MYMX: variants seen among roughly 807,000 people sequenced by gnomAD.
The protein encoded by MYMX is myomixer, myoblast fusion factor, also known as protein myomixer.
At chr6:44,203,160 C>T in the MYMX span, among the ~76,000 whole-genome samples, 2 of 152,168 alleles carry the variant, frequency 1.3e-5, no homozygotes, top group African/African-American at 4.8e-5. Flanking sequence ...CCGTTCCTCC[C>T]CTCGAGACTC....
At chr6:44,198,126 A>G in the MYMX span, among the ~76,000 whole-genome samples, 1 of 150,598 alleles carries the variant, frequency 6.6e-6, no homozygotes, top group Non-Finnish European at 1.5e-5. Flanking sequence ...TCTATACAAC[A>G]CATAATTCTC....
At chr6:44,203,857 T>C in the MYMX span, among the ~76,000 whole-genome samples, 2 of 152,162 alleles carry the variant, frequency 1.3e-5, no homozygotes, top group African/African-American at 4.8e-5. Context: ...TATTTATTTA[T>C]TTATTTTTGA....
the MYMX span, among the ~76,000 whole-genome samples, chr6:44,194,600 G>A: frequency 9.2e-5 from 14 of 152,310 alleles, no homozygotes; most frequent in South Asian, 2.5e-3. Context: ...CTGCCTACGG[G>A]GGCTGGAGAG....
chr6:44,202,163 C>T, the MYMX span, among the ~76,000 whole-genome samples: 2 of 152,178 alleles, frequency 1.3e-5, no homozygotes, highest in Admixed American at 1.3e-4. Flanking sequence ...CCTGCTTTCC[C>T]CATCTGCTGT....
the MYMX span, among the ~76,000 whole-genome samples, chr6:44,209,253 C>T: frequency 2.0e-5 from 3 of 151,940 alleles, no homozygotes; most frequent in South Asian, 2.1e-4. Context: ...TGTGAGCCAC[C>T]GTACCTGGCT....
At chr6:44,213,386 G>T (rs1263752879), upstream of MYMX, among the ~76,000 whole-genome samples, 3 of 142,804 alleles carry the variant, frequency 2.1e-5, no homozygotes, top group Non-Finnish European at 4.4e-5. Context: ...GAAAAGAAAA[G>T]AATAAAATAA....
the MYMX span, among the ~76,000 whole-genome samples, chr6:44,196,752 A>C: frequency 6.6e-6 from 1 of 152,190 alleles, no homozygotes; most frequent in Admixed American, 6.5e-5. Flanking sequence ...TGAGGTCAGG[A>C]GTTCAAGACC....
chr6:44,203,009 G>A, the MYMX span, among the ~76,000 whole-genome samples: 85 of 152,356 alleles, frequency 5.6e-4, no homozygotes, highest in Middle Eastern at 3.4e-3. Flanking sequence ...CACAGCTATG[G>A]AAACTGAGGC....
chr6:44,200,489 A>G, the MYMX span, among the ~76,000 whole-genome samples: 2 of 151,842 alleles, frequency 1.3e-5, no homozygotes, highest in African/African-American at 4.8e-5. Flanking sequence ...TAATTTTTGC[A>G]TTTTTAGTAG....
chr6:44,216,994 G>A (rs1205521002), intron 1 of MYMX, 26 bp downstream of exon 1: 1 of 154,228 alleles, frequency 6.5e-6, no homozygotes, highest in Non-Finnish European at 1.4e-5. Flanking sequence ...GATTGGTGGG[G>A]GTAGGGGACT....
intron 1 of MYMX, 57 bp downstream of exon 1, chr6:44,217,025 G>A (rs1363456635): frequency 1.3e-5 from 2 of 155,074 alleles, no homozygotes; most frequent in Admixed American, 6.6e-5. Flanking sequence ...GGAGTGTCAG[G>A]TCAGGGTGGA....
At chr6:44,193,420 A>T in the MYMX span, among the ~76,000 whole-genome samples, 1 of 152,092 alleles carries the variant, frequency 6.6e-6, no homozygotes, top group Non-Finnish European at 1.5e-5. Flanking sequence ...TATGCCCTTA[A>T]TCCTAACAAA....
chr6:44,209,712 G>A, the MYMX span: 3 of 151,886 alleles, frequency 2.0e-5, no homozygotes, highest in Non-Finnish European at 4.4e-5. Context: ...AAGAAATTGA[G>A]ACCATCCTGG....
chr6:44,207,315 A>C, the MYMX span, among the ~76,000 whole-genome samples: 1 of 151,050 alleles, frequency 6.6e-6, no homozygotes, highest in South Asian at 2.1e-4. Context: ...ATTTTTTTGT[A>C]TTTTTAGTAG....
the MYMX span, among the ~76,000 whole-genome samples, chr6:44,207,383 C>A: frequency 6.6e-6 from 1 of 152,170 alleles, no homozygotes; most frequent in Admixed American, 6.5e-5. Flanking sequence ...TCGTGATCCA[C>A]CCGCCTTGGC....
At chr6:44,197,579 A>T in the MYMX span, among the ~76,000 whole-genome samples, 1 of 152,174 alleles carries the variant, frequency 6.6e-6, no homozygotes, top group Non-Finnish European at 1.5e-5. Flanking sequence ...CCAGTACCCT[A>T]TGACTTGCCA....
chr6:44,196,394 T>C, the MYMX span, among the ~76,000 whole-genome samples: 1 of 152,202 alleles, frequency 6.6e-6, no homozygotes, highest in Admixed American at 6.5e-5. Flanking sequence ...AACTCTTTCT[T>C]TAGGCTGGGA....
At chr6:44,207,996 G>A in the MYMX span, among the ~76,000 whole-genome samples, 1,841 of 152,254 alleles carry the variant, frequency 0.012, 19 homozygotes, top group Non-Finnish European at 0.02. Context: ...GGGAGGGCGA[G>A]ACAGGTGGAT....
rs1775960941 is a variant in MYMX at position 44,217,735 on chromosome 6, G to A, written c.*9G>A. ...TAGGCCCCCAAAAGTGAGGCCACAA[G>A]TCCTGGCAGCAGCTGTATCCACAAA... On this transcript the variant is annotated 3_prime_UTR_variant, in exon 2 of 2. Transcript: ENST00000573382. 5.0e-6 allele frequency: 2 copies of A among 401,030 alleles called. No homozygotes were observed. The highest frequency in any genetic ancestry group is 1.3e-4 in the South Asian group (1 of 7,964). 24.8% of individuals were successfully genotyped at this position (401,030 alleles called of 1,614,324 possible).
Sources: gnomAD v4.1 joint callset for allele counts (sites outside exome capture counted in the v4.1 genomes callset) on GRCh38, gnomAD v4.1.1 for gene constraint, MANE v1.5 for transcripts, NCBI Gene and HGNC (gene_info 2026-07-23, HGNC 2026-07-21) for gene names.